The following MTAP variants were observed in gnomAD, a reference collection of about 807,000 sequenced individuals.
MTAP encodes the protein methylthioadenosine phosphorylase.
MTAP carries 33 observed loss-of-function variants against 33.6 expected under a neutral mutation model. The observed-to-expected ratio is 0.98, with a 90% confidence interval of 0.74 to 1.31. The LOEUF (loss-of-function observed/expected upper bound fraction) is 1.31, where lower values mean the gene tolerates loss of function less well. MTAP is among the 40% of genes most tolerant of loss of function. The pLI, the probability that MTAP is intolerant of heterozygous loss-of-function variation, is 0.00. For missense variants in MTAP, 367 were observed against 360.0 expected, an observed-to-expected ratio of 1.02 and a Z score of -0.16; for synonymous variants, 148 against 125.7, an observed-to-expected ratio of 1.18 and a Z score of -1.19.
At chr9:21,893,860 A>T (rs796819516) in intron 1 of MTAP, 5 of 150,886 alleles carry the variant, frequency 3.3e-5, no homozygotes, top group Admixed American at 1.3e-4. Flanking sequence ...AACTATTCAA[A>T]AAAAAAAAAA....
At position 21,922,182 on chromosome 9, in the gene MTAP, T is replaced by G. The variant is rs1818797836; in HGVS notation, c.148-8826T>G. On this transcript the variant is annotated intron_variant, in intron 1 of 1. Coordinates refer to the MTAP transcript ENST00000577563. This position sits in a 1 kb window ranked among gnomAD's most constrained non-coding sequence, Gnocchi z 4.8. ...GTATGACCAGTTCCTCTAGGAACAC[T>G]TGACTGGCAAGGGAAAAACGCCTCA... 6.6e-6 allele frequency among the ~76,000 whole-genome samples: 1 copy of G among 151,956 alleles called. No individual in the cohort carries two copies. The highest frequency in any genetic ancestry group is 1.5e-5 in the Non-Finnish European group (1 of 68,006).
intron 1 of MTAP, among the ~76,000 whole-genome samples, chr9:21,813,596 A>G (rs7041147): frequency 0.073 from 11,045 of 152,284 alleles, 1,352 homozygotes; most frequent in African/African-American, 0.25. Flanking sequence ...CGATTTGTGT[A>G]TTTGATCCCG....
At chr9:21,896,250 A>G (rs1381055695) in intron 1 of MTAP, among the ~76,000 whole-genome samples, 2 of 152,202 alleles carry the variant, frequency 1.3e-5, no homozygotes, top group African/African-American at 2.4e-5. Flanking sequence ...TCTCTGGTAC[A>G]CATTTAAAGC....
intron 1 of MTAP, among the ~76,000 whole-genome samples, chr9:21,872,298 A>G (rs1372282034): frequency 6.6e-6 from 1 of 152,226 alleles, no homozygotes; most frequent in East Asian, 1.9e-4. Context: ...AGCCTGGGCA[A>G]TAGAGAAAAA....
chr9:21,938,754 C>T (rs2131060158), downstream of MTAP, among the ~76,000 whole-genome samples: 1 of 152,282 alleles, frequency 6.6e-6, no homozygotes, highest in East Asian at 1.9e-4. Flanking sequence ...TAGTTTTACT[C>T]TGATACTTTC....
chr9:21,914,798 TAAAC>T (rs1162607311), intron 1 of MTAP, among the ~76,000 whole-genome samples: 1 of 148,618 alleles, frequency 6.7e-6, no homozygotes, highest in Non-Finnish European at 1.5e-5. Context: ...AAAAAAATAA[TAAAC>T]AAATGGTATC....
intron 1 of MTAP, among the ~76,000 whole-genome samples, chr9:21,927,175 A>G (rs1440656810): frequency 6.6e-6 from 1 of 152,206 alleles, no homozygotes; most frequent in African/African-American, 2.4e-5. Context: ...AGTAAGCTGT[A>G]GCCCTGGAAG....
intron 1 of MTAP, among the ~76,000 whole-genome samples, chr9:21,888,667 G>A (rs1052852446): frequency 3.9e-5 from 6 of 152,036 alleles, no homozygotes; most frequent in Non-Finnish European, 8.8e-5. Flanking sequence ...CATTTGCATG[G>A]AATATCTTTT....
intron 1 of MTAP, among the ~76,000 whole-genome samples, chr9:21,877,612 T>A (rs1272397541): frequency 6.6e-6 from 1 of 152,194 alleles, no homozygotes; most frequent in Non-Finnish European, 1.5e-5. Flanking sequence ...TCTATTGAAG[T>A]AATAGTGTGG....
chr9:21,871,947 T>C (rs1825944026), downstream of MTAP, among the ~76,000 whole-genome samples: 1 of 152,206 alleles, frequency 6.6e-6, no homozygotes, highest in South Asian at 2.1e-4. Flanking sequence ...GTCTTATGTC[T>C]GGTGATTACT....
At chr9:21,890,523 C>G (rs565971659) in intron 1 of MTAP, among the ~76,000 whole-genome samples, 87 of 152,298 alleles carry the variant, frequency 5.7e-4, no homozygotes, top group African/African-American at 2.0e-3. Flanking sequence ...GTTTTCTTCT[C>G]TCTGTGGTTC....
intron 1 of MTAP, among the ~76,000 whole-genome samples, chr9:21,813,519 C>T (rs72691564): frequency 0.36 from 55,333 of 152,048 alleles, 11,162 homozygotes; most frequent in South Asian, 0.55. Context: ...TAGCATTTCT[C>T]AACAACTGCT....
rs78195856 is a variant in MTAP at position 21,862,273 on chromosome 9, C to G, written c.*259C>G. On this transcript the variant is annotated 3_prime_UTR_variant, in exon 8 of 8. Coordinates refer to ENST00000644715, the MANE Select transcript of MTAP (RefSeq NM_002451.4). ...TTACATTTTAAGGGGGAAAAAAAAA[C>G]CCACCATTCTCTTCTCCCCCTATTA... 794 of 753,470 alleles carry G rather than the reference C, an allele frequency of 1.1e-3. 5 individuals are homozygous for G. The African/African-American group carries it at 0.013, about 12-fold the overall frequency. The allele number at this position is 753,470 out of a possible 1,614,324, so 46.7% of individuals were successfully genotyped here. A position where few individuals can be genotyped will look rare whatever the true frequency, so the allele number is the denominator to read the frequency against.
downstream of MTAP, chr9:21,931,999 C>T (rs1344468360): frequency 1.3e-5 from 2 of 152,000 alleles, no homozygotes; most frequent in African/African-American, 2.4e-5. Flanking sequence ...CCACTGCTCT[C>T]CAGCCTGGCA....
intron 1 of MTAP, among the ~76,000 whole-genome samples, chr9:21,929,112 T>C (rs1049220702): frequency 2.6e-5 from 4 of 152,084 alleles, no homozygotes; most frequent in African/African-American, 7.2e-5. Flanking sequence ...CAGTATCTAT[T>C]CCCACAGCCA....
intron 1 of MTAP, among the ~76,000 whole-genome samples, chr9:21,885,784 G>A (rs1034305327): frequency 3.0e-3 from 118 of 38,950 alleles, no homozygotes; most frequent in East Asian, 0.024. Flanking sequence ...TACATGGTGT[G>A]TGTGTGTGTG....
At chr9:21,852,576 G>C (rs1390461624) in intron 5 of MTAP, among the ~76,000 whole-genome samples, 1 of 151,622 alleles carries the variant, frequency 6.6e-6, no homozygotes, top group Non-Finnish European at 1.5e-5. Context: ...AGGAGAATCA[G>C]GGATAAAAGA....
intron 1 of MTAP, chr9:21,803,243 C>G: frequency 3.3e-6 from 1 of 306,320 alleles, no homozygotes; most frequent in Non-Finnish European, 6.0e-6. Flanking sequence ...GGGACTCCAG[C>G]TTCCGCTCTC....
At chr9:21,940,272 A>G (rs1819115657), downstream of MTAP, among the ~76,000 whole-genome samples, 1 of 152,254 alleles carries the variant, frequency 6.6e-6, no homozygotes, top group African/African-American at 2.4e-5. Flanking sequence ...CCAGCAAAGT[A>G]TACTTTGAAA....
Sources: allele counts gnomAD v4.1 joint callset (sites outside exome capture counted in the v4.1 genomes callset), GRCh38; gene constraint gnomAD v4.1.1; non-coding constraint Gnocchi (gnomAD v3.1); transcripts MANE v1.5; gene names NCBI Gene and HGNC (gene_info 2026-07-23, HGNC 2026-07-21).